The following LBP variants were observed in gnomAD, a reference collection of about 807,000 sequenced individuals.
LBP encodes lipopolysaccharide binding protein, also known as lipopolysaccharide-binding protein.
LBP carries 53 observed loss-of-function variants against 56.6 expected under a neutral mutation model. That is an observed-to-expected ratio of 0.94 (90% CI 0.75 to 1.18). The LOEUF is 1.18. LBP is among the 50% of genes most tolerant of loss of function. LBP has a pLI of 0.00. For missense variants in LBP, 601 were observed against 598.3 expected (o/e 1.00, Z -0.05); for synonymous variants, 227 against 247.5 (o/e 0.92, Z 0.78).
chr20:38,371,096 GAC>G (rs932681970), intron 11 of LBP, among the ~76,000 whole-genome samples, 182 bp from the exon 12 acceptor site: 19 of 152,284 alleles, frequency 1.2e-4, no homozygotes, highest in African/African-American at 4.3e-4. Flanking sequence ...TCTGCCCTGT[GAC>G]AGTCTTCCCG....
chr20:38,356,445 CACACACACA>C (rs746535793), intron 5 of LBP, among the ~76,000 whole-genome samples: 5,151 of 130,204 alleles, frequency 0.04, 411 homozygotes, highest in African/African-American at 0.14. Context: ...CACACACACA[CACACACACA>C]CCCTCGTCTG....
At chr20:38,356,277 CT>C (rs2076839386) in intron 5 of LBP, among the ~76,000 whole-genome samples, 2 of 130,796 alleles carry the variant, frequency 1.5e-5, no homozygotes, top group African/African-American at 2.9e-5. Flanking sequence ...CACGCACCCC[CT>C]ACACACACAC....
intron 3 of LBP, among the ~76,000 whole-genome samples, chr20:38,353,793 T>C (rs2122599160): frequency 6.6e-6 from 1 of 152,318 alleles, no homozygotes; most frequent in Admixed American, 6.5e-5. Flanking sequence ...GTCATTGTTA[T>C]TTTCATTTTT....
intron 1 of LBP, among the ~76,000 whole-genome samples, chr20:38,347,358 A>G (rs554014103): frequency 6.6e-6 from 1 of 152,196 alleles, no homozygotes; most frequent in African/African-American, 2.4e-5. Context: ...AGCCTGGCCA[A>G]CATGGTGAAG....
At chr20:38,354,736 C>T (rs1450992022) in intron 4 of LBP, among the ~76,000 whole-genome samples, 1 of 152,120 alleles carries the variant, frequency 6.6e-6, no homozygotes, top group African/African-American at 2.4e-5. Flanking sequence ...TTGCGAAAAA[C>T]ATACAAGTCC....
chr20:38,346,484 G>A lies in LBP; in HGVS notation c.-33G>A. On this transcript the variant is annotated 5_prime_UTR_variant, in exon 1 of 15. Coordinates refer to ENST00000217407, the MANE Select transcript of LBP (RefSeq NM_004139.5). ...GGACCTGGGCCCAATCCACAGCTGG[G>A]ACAGTCCTGGCCCACTGCACTGGGA... is the stretch of plus-strand genomic sequence containing the variant. The A allele has an allele frequency of 1.2e-6, 2 of 1,611,930 alleles. No homozygotes were observed. The highest frequency in any genetic ancestry group is 2.2e-5 in the East Asian group (1 of 44,856).
At chr20:38,364,939 G>C (rs1177740869) in intron 8 of LBP, among the ~76,000 whole-genome samples, 187 bp downstream of exon 8, 1 of 152,146 alleles carries the variant, frequency 6.6e-6, no homozygotes, top group Non-Finnish European at 1.5e-5. Context: ...CAAAGCCAAA[G>C]TTCTTTCTCC....
intron 3 of LBP, among the ~76,000 whole-genome samples, chr20:38,351,326 A>AAGG (rs1458392535): frequency 3.3e-5 from 5 of 152,196 alleles, no homozygotes; most frequent in Admixed American, 3.3e-4. Context: ...AAGGGAAGGG[A>AAGG]AGGAAGTCAG....
intron 6 of LBP, among the ~76,000 whole-genome samples, chr20:38,361,930 C>A (rs1201596096): frequency 1.3e-5 from 2 of 151,962 alleles, no homozygotes; most frequent in African/African-American, 4.8e-5. Context: ...TTGCACTTTG[C>A]ACATGAATGG....
At chr20:38,357,619 TG>T (rs1462938083) in intron 5 of LBP, among the ~76,000 whole-genome samples, 11 of 152,150 alleles carry the variant, frequency 7.2e-5, no homozygotes, top group Non-Finnish European at 1.2e-4. Context: ...AGAAAGAATT[TG>T]GGGTGAGTTC....
chr20:38,374,838 C>T (rs945718660), intron 14 of LBP, among the ~76,000 whole-genome samples: 1 of 145,206 alleles, frequency 6.9e-6, no homozygotes, highest in African/African-American at 2.6e-5. Flanking sequence ...GGCTGGAGTG[C>T]AGTGGTGCGA....
intron 5 of LBP, among the ~76,000 whole-genome samples, chr20:38,358,422 A>T (rs2076848729): frequency 6.6e-6 from 1 of 152,088 alleles, no homozygotes; most frequent in Non-Finnish European, 1.5e-5. Context: ...CGGGTCCCTA[A>T]AGACTGGGGC....
At chr20:38,359,232 T>G (rs1053139899) in intron 5 of LBP, among the ~76,000 whole-genome samples, 1 of 152,170 alleles carries the variant, frequency 6.6e-6, no homozygotes, top group African/African-American at 2.4e-5. Context: ...GTTTTTTGGT[T>G]TTTTTTGCAC....
chr20:38,376,660 G>A lies in LBP; in HGVS notation c.1437G>A (p.Met479Ile). The A allele has an allele frequency of 6.2e-7, 1 of 1,613,922 alleles. No individual in the cohort carries two copies. Among genetic ancestry groups the A allele is most frequent in the Non-Finnish European group, 8.5e-7 (1 of 1,179,810 alleles). The change falls in exon 15 of 15, where the codon ATG becomes ATA. Residue 479 changes from methionine to isoleucine, a missense_variant. Met to Ile is a conservative substitution (Grantham distance 10, BLOSUM62 1). Coordinates refer to ENST00000217407, the MANE Select transcript of LBP (RefSeq NM_004139.5). The part of the protein sequence containing the change: ...FLFLGANVQY[M>I]RV Reference sequence around the variant, plus strand: ...TCTTGGGTGCCAATGTCCAATACATGAGAGTTTGAGGACAAGAAAGATGAA... The same window carrying A: ...TCTTGGGTGCCAATGTCCAATACATAAGAGTTTGAGGACAAGAAAGATGAA...
At chr20:38,364,335 G>A (rs1293988763) in intron 7 of LBP, among the ~76,000 whole-genome samples, 2 of 152,148 alleles carry the variant, frequency 1.3e-5, no homozygotes, top group African/African-American at 4.8e-5. Context: ...CAATCAGAGC[G>A]GGTCTTAGGG....
At chr20:38,348,520 C>A (rs1306886864) in intron 1 of LBP, among the ~76,000 whole-genome samples, 2 of 152,094 alleles carry the variant, frequency 1.3e-5, no homozygotes, top group African/African-American at 4.8e-5. Flanking sequence ...ACTATGTTGG[C>A]CAGGATGGTC....
intron 1 of LBP, among the ~76,000 whole-genome samples, chr20:38,347,775 G>A (rs2076806066): frequency 6.6e-6 from 1 of 152,122 alleles, no homozygotes; most frequent in African/African-American, 2.4e-5. Context: ...GGACATACAG[G>A]CTCAGGGAGG....
intron 13 of LBP, 65 bp from the exon 14 acceptor site, chr20:38,373,872 T>A: frequency 7.0e-7 from 1 of 1,437,380 alleles, no homozygotes. Context: ...ACATTTTCGG[T>A]AAAAATCTGT....
rs191771004 is a variant in LBP, at chr20:38,357,650, A to G, written c.588+2241A>G. ...GAGTTCATAAAGTGAAAGCAAGTTT[A>G]TTAGAGAAGTAATGACGGAAAAGAA... On this transcript the variant is annotated intron_variant, in intron 5 of 14. Transcript: ENST00000217407. Among the ~76,000 whole-genome samples the G allele has an allele frequency of 1.3e-3, 202 of 152,320 alleles. 1 individual carries two copies. The highest frequency in any genetic ancestry group is 4.6e-3 in the African/African-American group (191 of 41,574).
Sources: allele counts gnomAD v4.1 joint callset (sites outside exome capture counted in the v4.1 genomes callset), GRCh38; gene constraint gnomAD v4.1.1; transcripts MANE v1.5; gene names NCBI Gene and HGNC (gene_info 2026-07-23, HGNC 2026-07-21).